KLF13: variants seen among roughly 807,000 people sequenced by gnomAD.
The protein encoded by KLF13 is KLF transcription factor 13.
Under a neutral mutation model 16.7 loss-of-function variants are expected in KLF13, and 8 were observed. The ratio of observed to expected loss-of-function variants is 0.48; its 90% CI spans 0.28 to 0.87. The LOEUF (loss-of-function observed/expected upper bound fraction) is 0.87, where lower values mean the gene tolerates loss of function less well. KLF13 is among the 40% of genes least tolerant of loss of function. The pLI is 0.10. For synonymous variants in KLF13, 245 were observed against 208.4 expected, an observed-to-expected ratio of 1.18 and a Z score of -1.51; for missense variants, 447 against 452.2, an observed-to-expected ratio of 0.99 and a Z score of 0.10.
At chr15:31,351,941 G>C (rs1961706) in intron 1 of KLF13, among the ~76,000 whole-genome samples, 64,294 of 151,702 alleles carry the variant, frequency 0.42, 14,584 homozygotes, top group East Asian at 0.56. Context: ...GAACCCAGGA[G>C]GTGGAGGTTG....
chr15:31,434,716 G>C (rs1035111069), intron 1 of KLF13, among the ~76,000 whole-genome samples: 2 of 152,214 alleles, frequency 1.3e-5, no homozygotes, highest in Non-Finnish European at 2.9e-5. Flanking sequence ...TGGGAAGCAG[G>C]CTTCTTGGAG....
chr15:31,335,250 T>C (rs1039476993), intron 1 of KLF13, among the ~76,000 whole-genome samples: 3 of 152,020 alleles, frequency 2.0e-5, no homozygotes, highest in Non-Finnish European at 2.9e-5. Flanking sequence ...AGGCAGGCTT[T>C]TGGGGGAGAC....
At chr15:31,422,083 C>G (rs1315560279) in intron 1 of KLF13, among the ~76,000 whole-genome samples, 4 of 150,892 alleles carry the variant, frequency 2.7e-5, no homozygotes, top group African/African-American at 9.8e-5. Flanking sequence ...CCACTGCACT[C>G]CAATCTGGGT....
At chr15:31,388,781 A>C (rs1203480222), upstream of KLF13, among the ~76,000 whole-genome samples, 1 of 150,154 alleles carries the variant, frequency 6.7e-6, no homozygotes, top group Admixed American at 6.6e-5. Context: ...AAAAAAAAAA[A>C]AAAAACTAAT....
intron 1 of KLF13, among the ~76,000 whole-genome samples, chr15:31,343,090 G>A (rs559834179): frequency 2.3e-4 from 35 of 152,330 alleles, no homozygotes; most frequent in Admixed American, 1.7e-3. Flanking sequence ...AGAGGAGGAC[G>A]CCGAGGCACA....
chr15:31,388,631 A>G (rs1008564983), upstream of KLF13, among the ~76,000 whole-genome samples: 15 of 151,526 alleles, frequency 9.9e-5, no homozygotes, highest in African/African-American at 3.6e-4. Flanking sequence ...AAGAAAAAGA[A>G]AACCAGTAAA....
At chr15:31,328,301 G>A (rs2038758536) in intron 1 of KLF13, among the ~76,000 whole-genome samples, 1 of 151,818 alleles carries the variant, frequency 6.6e-6, no homozygotes, top group South Asian at 2.1e-4. Context: ...CAGGGACAAG[G>A]TTTCCTTCGC....
At chr15:31,409,603 A>G (rs2040167560), downstream of KLF13, among the ~76,000 whole-genome samples, 1 of 152,170 alleles carries the variant, frequency 6.6e-6, no homozygotes, top group African/African-American at 2.4e-5. Context: ...TCCAAAAACA[A>G]AAAACAAAGA....
intron 1 of KLF13, among the ~76,000 whole-genome samples, chr15:31,345,397 C>T (rs1375478288): frequency 6.6e-6 from 1 of 152,212 alleles, no homozygotes; most frequent in Non-Finnish European, 1.5e-5. Context: ...CCCGCCTCAG[C>T]CTGCCTTTGC....
intron 1 of KLF13, among the ~76,000 whole-genome samples, chr15:31,351,588 T>C (rs1002516011): frequency 1.3e-5 from 2 of 152,222 alleles, no homozygotes; most frequent in African/African-American, 4.8e-5. Flanking sequence ...TGCAAAGGAA[T>C]GTGCATTTTC....
intron 1 of KLF13, among the ~76,000 whole-genome samples, chr15:31,331,838 A>G (rs548711102): frequency 6.6e-5 from 10 of 152,350 alleles, no homozygotes; most frequent in Admixed American, 6.5e-4. Flanking sequence ...ATGGATTTGC[A>G]CATATGCATA....
chr15:31,408,550 C>G (rs1297654933), downstream of KLF13, among the ~76,000 whole-genome samples: 1 of 152,172 alleles, frequency 6.6e-6, no homozygotes, highest in Non-Finnish European at 1.5e-5. Context: ...TGTTAAATCT[C>G]AAATCAAACT....
rs537239653 is a variant in KLF13 at position 31,336,441 on chromosome 15, GA to G, written c.577+8653del. Among the ~76,000 whole-genome samples the G allele has an allele frequency of 2.6e-3, 399 of 152,288 alleles. 3 individuals carry two copies. Among genetic ancestry groups the G allele is most frequent in the African/African-American group, 9.1e-3 (379 of 41,552 alleles). On this transcript the variant is annotated intron_variant, in intron 1 of 1. Transcript: ENST00000307145. ...ATCTAACAGGTATGCATGGGTTAGC[GA>G]GACCTGAGAGTCCTTCTTGGGCCAC...
chr15:31,336,345 T>C (rs1047536146), intron 1 of KLF13, among the ~76,000 whole-genome samples: 1 of 152,128 alleles, frequency 6.6e-6, no homozygotes, highest in Admixed American at 6.5e-5. Context: ...TGCTTCCATA[T>C]GTGGGTCCAA....
chr15:31,411,757 G>A (rs1053154447), intron 1 of KLF13, among the ~76,000 whole-genome samples: 3 of 151,780 alleles, frequency 2.0e-5, no homozygotes, highest in African/African-American at 7.3e-5. Flanking sequence ...AGTATAAAGA[G>A]TACTTTACAG....
At chr15:31,432,085 A>G (rs2040479157) in intron 1 of KLF13, among the ~76,000 whole-genome samples, 1 of 152,164 alleles carries the variant, frequency 6.6e-6, no homozygotes, top group Admixed American at 6.5e-5. Context: ...TTCTGGATGT[A>G]TGTTATATTT....
At chr15:31,346,708 A>G (rs2039127458) in intron 1 of KLF13, among the ~76,000 whole-genome samples, 1 of 152,210 alleles carries the variant, frequency 6.6e-6, no homozygotes, top group South Asian at 2.1e-4. Flanking sequence ...TGGAAGAAGA[A>G]ATGAAAATAC....
At chr15:31,331,206 C>T (rs2038825460) in intron 1 of KLF13, among the ~76,000 whole-genome samples, 1 of 152,226 alleles carries the variant, frequency 6.6e-6, no homozygotes, top group African/African-American at 2.4e-5. Flanking sequence ...ATGCTGGGCC[C>T]TTTCTGGGTT....
At chr15:31,336,172 A>G (rs1349638310) in intron 1 of KLF13, among the ~76,000 whole-genome samples, 3 of 152,202 alleles carry the variant, frequency 2.0e-5, no homozygotes, top group Non-Finnish European at 4.4e-5. Flanking sequence ...GGGCCTCCTC[A>G]TTCCCTTTTG....
Sources: gnomAD v4.1 joint callset for allele counts (sites outside exome capture counted in the v4.1 genomes callset) on GRCh38, gnomAD v4.1.1 for gene constraint, MANE v1.5 for transcripts, NCBI Gene and HGNC (gene_info 2026-07-23, HGNC 2026-07-21) for gene names.